Variants in GRM8 observed in about 807,000 individuals in gnomAD.
GRM8 encodes metabotropic glutamate receptor 8.
Under a neutral mutation model 87.2 loss-of-function variants are expected in GRM8, and 47 were observed. The ratio of observed to expected loss-of-function variants is 0.54; its 90% CI spans 0.43 to 0.69. The LOEUF (loss-of-function observed/expected upper bound fraction) is 0.69. GRM8 is among the 30% of genes least tolerant of loss of function. The pLI, the probability that GRM8 is intolerant of heterozygous loss-of-function variation, is 0.00. For missense variants in GRM8, 1,019 were observed against 1,139.2 expected (o/e 0.89, Z 1.52); for synonymous variants, 396 against 404.5 (o/e 0.98, Z 0.25).
chr7:126,715,782 T>C (rs1811672616), intron 7 of GRM8, among the ~76,000 whole-genome samples: 1 of 152,220 alleles, frequency 6.6e-6, no homozygotes, highest in Admixed American at 6.5e-5. Flanking sequence ...CATGTTTCTA[T>C]AGCTAAAATT....
At chr7:126,704,012 A>G (rs2151405263) in intron 7 of GRM8, among the ~76,000 whole-genome samples, 1 of 152,194 alleles carries the variant, frequency 6.6e-6, no homozygotes, top group South Asian at 2.1e-4. Context: ...GTCTACCTAT[A>G]CTACCAGCAA....
At chr7:127,172,256 T>C (rs1234636896) in intron 2 of GRM8, among the ~76,000 whole-genome samples, 1 of 152,166 alleles carries the variant, frequency 6.6e-6, no homozygotes, top group Non-Finnish European at 1.5e-5. Context: ...ATTACTGTCA[T>C]AAACCAATAA....
At chr7:127,058,262 T>C in intron 3 of GRM8, 1 of 416,784 alleles carries the variant, frequency 2.4e-6, no homozygotes, top group South Asian at 1.8e-5. Context: ...TTCTCTTTGT[T>C]CTTGTCAACA....
intron 3 of GRM8, among the ~76,000 whole-genome samples, chr7:127,006,923 T>C (rs1206824711): frequency 1.3e-5 from 2 of 152,034 alleles, no homozygotes; most frequent in Non-Finnish European, 2.9e-5. Context: ...CAACTCAATG[T>C]GGAAGATGTC....
intron 2 of GRM8, among the ~76,000 whole-genome samples, chr7:127,208,454 C>T (rs17866227): frequency 0.022 from 3,419 of 152,270 alleles, 120 homozygotes; most frequent in African/African-American, 0.077. Flanking sequence ...CAGGCTATAA[C>T]CCTTTATAAG....
chr7:126,884,834 C>T (rs1457946719), intron 6 of GRM8, among the ~76,000 whole-genome samples: 4 of 152,078 alleles, frequency 2.6e-5, no homozygotes, highest in Non-Finnish European at 5.9e-5. Context: ...AATAAATGTA[C>T]AACTGTAACT....
intron 6 of GRM8, among the ~76,000 whole-genome samples, chr7:126,856,986 G>C (rs1305861182): frequency 6.6e-6 from 1 of 152,194 alleles, no homozygotes; most frequent in East Asian, 1.9e-4. Context: ...TGATGCAAAG[G>C]TCTTAATGAT....
chr7:126,667,142 C>A (rs1359973609), intron 7 of GRM8, among the ~76,000 whole-genome samples: 3 of 152,174 alleles, frequency 2.0e-5, no homozygotes, highest in Non-Finnish European at 4.4e-5. Flanking sequence ...TATATTAATT[C>A]ATTCAATTTT....
chr7:127,028,682 C>T (rs1331606779), intron 3 of GRM8, among the ~76,000 whole-genome samples: 1 of 151,930 alleles, frequency 6.6e-6, no homozygotes, highest in Non-Finnish European at 1.5e-5. Context: ...TGGTGATATC[C>T]CCTTTTATCA....
intron 3 of GRM8, among the ~76,000 whole-genome samples, chr7:126,952,896 T>A (rs564983947): frequency 3.3e-5 from 5 of 152,184 alleles, no homozygotes; most frequent in African/African-American, 1.2e-4. Context: ...TCCTGGAGAA[T>A]AATAACAATG....
rs562731215 is a variant in GRM8 at position 126,806,084 on chromosome 7, C to T, written c.1157-36019G>A. Among the ~76,000 whole-genome samples, 4 of 152,274 alleles carry T rather than the reference C, an allele frequency of 2.6e-5. No homozygotes were observed. In the South Asian group the frequency reaches 8.3e-4, roughly 32 times the overall value. ...TTCTTGGTCTTGCTGACTTCAAGAA[C>T]GAAGTCGCAGACCCTCGTGGTGAGT... On this transcript the variant is annotated intron_variant, in intron 6 of 10. Transcript: ENST00000339582.
chr7:126,891,547 C>G (rs1801009816), intron 6 of GRM8, among the ~76,000 whole-genome samples: 2 of 152,020 alleles, frequency 1.3e-5, no homozygotes, highest in East Asian at 1.9e-4. Context: ...TCCTATCCCC[C>G]TCTCCTAGTC....
At chr7:126,714,340 C>A (rs1435736416) in intron 7 of GRM8, among the ~76,000 whole-genome samples, 1 of 149,966 alleles carries the variant, frequency 6.7e-6, no homozygotes, top group Non-Finnish European at 1.5e-5. Context: ...TATCTACCTA[C>A]AAAGTGCTTA....
At chr7:126,905,990 T>C (rs984371246) in intron 3 of GRM8, among the ~76,000 whole-genome samples, 1 of 152,166 alleles carries the variant, frequency 6.6e-6, no homozygotes, top group Non-Finnish European at 1.5e-5. Flanking sequence ...AGAACGGCTT[T>C]GTTAGACATG....
intron 6 of GRM8, among the ~76,000 whole-genome samples, chr7:126,840,012 G>A (rs1796132148): frequency 6.6e-6 from 1 of 152,096 alleles, no homozygotes; most frequent in African/African-American, 2.4e-5. Flanking sequence ...ATCTGTATGG[G>A]TGAAATTTTT....
chr7:126,552,406 CTT>C (rs1792684550), intron 8 of GRM8, among the ~76,000 whole-genome samples: 1 of 152,092 alleles, frequency 6.6e-6, no homozygotes, highest in African/African-American at 2.4e-5. Context: ...TATGTACAAT[CTT>C]GAGATAATAT....
At chr7:126,990,281 G>C (rs1377730643) in intron 3 of GRM8, among the ~76,000 whole-genome samples, 1 of 150,904 alleles carries the variant, frequency 6.6e-6, no homozygotes, top group African/African-American at 2.4e-5. Context: ...TGGCTGATGA[G>C]ATACAAGCAA....
chr7:126,657,359 T>C (rs1804636369), intron 7 of GRM8, among the ~76,000 whole-genome samples: 1 of 152,238 alleles, frequency 6.6e-6, no homozygotes, highest in African/African-American at 2.4e-5. Flanking sequence ...GCAAATACTC[T>C]TGTACCAACC....
At chr7:126,446,412 T>G in intron 9 of GRM8, 40 bp from the exon 10 acceptor site, 1 of 1,338,814 alleles carries the variant, frequency 7.5e-7, no homozygotes, top group Non-Finnish European at 1.0e-6. Context: ...TTGGTAAGCC[T>G]AACAGTAGGA....
Sources: gnomAD v4.1 joint callset for allele counts (sites outside exome capture counted in the v4.1 genomes callset) on GRCh38, gnomAD v4.1.1 for gene constraint, MANE v1.5 for transcripts, NCBI Gene and HGNC (gene_info 2026-07-23, HGNC 2026-07-21) for gene names.